The following RCAN1 variants were observed in gnomAD, a reference collection of about 807,000 sequenced individuals.
RCAN1 encodes the protein calcipressin-1.
Under a neutral mutation model 22.9 loss-of-function variants are expected in RCAN1, and 11 were observed. The ratio of observed to expected loss-of-function variants is 0.48; its 90% CI spans 0.30 to 0.79. The LOEUF (loss-of-function observed/expected upper bound fraction) is 0.79. RCAN1 is among the 30% of genes least tolerant of loss of function. The pLI is 0.06. For missense variants in RCAN1, 291 were observed against 337.8 expected (o/e 0.86, Z 1.09); for synonymous variants, 136 against 142.3 (o/e 0.96, Z 0.32).
intron 1 of RCAN1, among the ~76,000 whole-genome samples, chr21:34,570,829 C>CT (rs916846215): frequency 6.6e-6 from 1 of 152,034 alleles, no homozygotes; most frequent in Non-Finnish European, 1.5e-5. Flanking sequence ...CTAGAATATC[C>CT]TTTTTTTATA....
intron 1 of RCAN1, chr21:34,524,997 G>T: frequency 2.0e-6 from 3 of 1,516,600 alleles, no homozygotes; most frequent in Non-Finnish European, 2.7e-6. Flanking sequence ...GTTTGTGGGA[G>T]CCCGTGTGAA....
intron 1 of RCAN1, among the ~76,000 whole-genome samples, chr21:34,606,571 G>A (rs933992033): frequency 2.0e-5 from 3 of 152,100 alleles, no homozygotes; most frequent in South Asian, 4.1e-4. Context: ...TGATTATCAT[G>A]GATTAAATGC....
chr21:34,614,863 CT>C lies in RCAN1; in HGVS notation c.148del (p.Ser50AlafsTer62). 1 of 1,468,778 alleles carries C rather than the reference CT, an allele frequency of 6.8e-7. No homozygotes were observed. Among genetic ancestry groups the C allele is most frequent in the Non-Finnish European group, 9.0e-7 (1 of 1,107,078 alleles). 91.0% of individuals were successfully genotyped at this position (1,468,778 alleles called of 1,614,324 possible). On this transcript the variant is annotated frameshift_variant, in exon 1 of 4. Transcript: ENST00000313806. LOFTEE classifies it high-confidence loss of function. This position sits in a 1 kb window ranked among gnomAD's most constrained non-coding sequence, Gnocchi z 6.0. ...CTCCTCCATCTCGCAGTCAATGAAG[CT>C]CCAGTCGCCGCCGCCCTCGTCCGCC... ...AEADEGGGDW[S>X]FIDCEMEEVD...
intron 1 of RCAN1, among the ~76,000 whole-genome samples, chr21:34,553,899 C>T (rs1986459716): frequency 6.6e-6 from 1 of 152,204 alleles, no homozygotes; most frequent in Non-Finnish European, 1.5e-5. Flanking sequence ...GCAGCAACTA[C>T]ACCCTGGCTC....
At chr21:34,549,239 G>A (rs1161445112) in intron 1 of RCAN1, among the ~76,000 whole-genome samples, 4 of 152,210 alleles carry the variant, frequency 2.6e-5, no homozygotes, top group African/African-American at 9.7e-5. Context: ...GAAGGCACCA[G>A]GTGAAAGAAG....
intron 1 of RCAN1, among the ~76,000 whole-genome samples, chr21:34,536,616 A>G (rs79538573): frequency 0.057 from 8,691 of 152,216 alleles, 337 homozygotes; most frequent in Middle Eastern, 0.082. Context: ...TCCTTAGAGG[A>G]GATGATTCTC....
intron 1 of RCAN1, among the ~76,000 whole-genome samples, chr21:34,565,465 C>A (rs914364851): frequency 6.6e-6 from 1 of 152,150 alleles, no homozygotes; most frequent in Admixed American, 6.5e-5. Context: ...CTATCCCGTG[C>A]CCTCAAATGG....
intron 1 of RCAN1, among the ~76,000 whole-genome samples, chr21:34,572,856 G>A (rs577494044): frequency 7.9e-4 from 121 of 152,308 alleles, no homozygotes; most frequent in African/African-American, 2.7e-3. Flanking sequence ...CAGCAGGAGA[G>A]AGACAGTGAA....
intron 1 of RCAN1, among the ~76,000 whole-genome samples, chr21:34,591,949 T>A (rs945840515): frequency 6.6e-6 from 1 of 152,152 alleles, no homozygotes; most frequent in Non-Finnish European, 1.5e-5. Flanking sequence ...CCACTGCAGA[T>A]CACATGCACA....
chr21:34,582,391 G>A lies in RCAN1; in HGVS notation c.252+32369C>T, dbSNP rs542385223. Among the ~76,000 whole-genome samples the A allele has an allele frequency of 3.9e-5, 6 of 152,238 alleles. No homozygotes were observed. The South Asian group carries it at 6.2e-4, about 16-fold the overall frequency. On this transcript the variant is annotated intron_variant, in intron 1 of 3. Coordinates refer to ENST00000313806, the MANE Select transcript of RCAN1 (RefSeq NM_004414.7). The stretch of plus-strand genomic sequence containing the variant: ...TGGTCTGGGGTGGGGGGAATGGTGC[G>A]CTCGCTTAGCTAGGGGCTCGGGAAG...
chr21:34,542,232 T>C (rs1355168494), intron 1 of RCAN1, among the ~76,000 whole-genome samples: 1 of 152,196 alleles, frequency 6.6e-6, no homozygotes, highest in Admixed American at 6.5e-5. Flanking sequence ...TTGCCATTCC[T>C]GTTGGGAGAA....
chr21:34,572,710 T>G (rs1479782480), intron 1 of RCAN1, among the ~76,000 whole-genome samples: 1 of 152,082 alleles, frequency 6.6e-6, no homozygotes, highest in Non-Finnish European at 1.5e-5. Flanking sequence ...TACCCAAGAC[T>G]GGGTAATTTA....
At chr21:34,525,442 C>A in intron 1 of RCAN1, 1 of 1,392,478 alleles carries the variant, frequency 7.2e-7, no homozygotes, top group East Asian at 2.6e-5. Context: ...TTTTTCCCCA[C>A]CTCTCTTGAG....
At chr21:34,544,055 A>G (rs546756349) in intron 1 of RCAN1, among the ~76,000 whole-genome samples, 3 of 152,364 alleles carry the variant, frequency 2.0e-5, no homozygotes, top group African/African-American at 7.2e-5. Context: ...GAATGTGCAT[A>G]GGTAGGTGCT....
At chr21:34,537,940 A>G (rs1356584793) in intron 1 of RCAN1, among the ~76,000 whole-genome samples, 4 of 152,198 alleles carry the variant, frequency 2.6e-5, no homozygotes, top group Non-Finnish European at 5.9e-5. Flanking sequence ...CACTCCTGAA[A>G]TTATGCTGTA....
chr21:34,577,463 G>A (rs1249089776), intron 1 of RCAN1, among the ~76,000 whole-genome samples: 3 of 152,084 alleles, frequency 2.0e-5, no homozygotes, highest in African/African-American at 4.8e-5. Context: ...GTCAGGCATG[G>A]TGGTGTGCGC....
chr21:34,580,177 A>C (rs1222570816), intron 1 of RCAN1, among the ~76,000 whole-genome samples: 1 of 138,480 alleles, frequency 7.2e-6, no homozygotes, highest in East Asian at 2.1e-4. Flanking sequence ...TTTCCTGGGA[A>C]GTCAAGCCCA....
chr21:34,581,517 A>T (rs1399515726), intron 1 of RCAN1, among the ~76,000 whole-genome samples: 1 of 152,204 alleles, frequency 6.6e-6, no homozygotes, highest in East Asian at 1.9e-4. Flanking sequence ...GATGAGGAAT[A>T]AGAGGAAGAA....
chr21:34,585,071 T>TAA, intron 1 of RCAN1, among the ~76,000 whole-genome samples: 1 of 152,366 alleles, frequency 6.6e-6, no homozygotes, highest in Admixed American at 6.5e-5. Flanking sequence ...AAAATTTTTT[T>TAA]AGGAGAATTA....
Sources: gnomAD v4.1 joint callset for allele counts (sites outside exome capture counted in the v4.1 genomes callset) on GRCh38, gnomAD v4.1.1 for gene constraint, Gnocchi (gnomAD v3.1) non-coding constraint, MANE v1.5 for transcripts, NCBI Gene and HGNC (gene_info 2026-07-23, HGNC 2026-07-21) for gene names.